Variants in GET1 observed in about 807,000 individuals in gnomAD.
GET1 encodes the protein congenital heart disease 5 protein.
In GET1, 20 loss-of-function variants were observed where a neutral mutation model predicts 22.6. The ratio of observed to expected loss-of-function variants is 0.89; its 90% CI spans 0.62 to 1.29. The LOEUF is 1.29. GET1 is among the 50% of genes most tolerant of loss of function. GET1 has a pLI of 0.00. For synonymous variants in GET1, 92 were observed against 83.8 expected (o/e 1.10, Z -0.53); for missense variants, 209 against 219.9 (o/e 0.95, Z 0.31).
At chr21:39,420,557 G>A in intron 1 of GET1, 1 of 397,742 alleles carries the variant, frequency 2.5e-6, no homozygotes, top group South Asian at 6.5e-5. Flanking sequence ...ACAGAACTGT[G>A]GATGGGGGCC....
downstream of GET1, chr21:39,409,936 T>G (rs763211868): frequency 2.1e-5 from 24 of 1,161,252 alleles, no homozygotes; most frequent in South Asian, 2.6e-4. This position sits in a 1 kb window ranked among gnomAD's most constrained non-coding sequence, Gnocchi z 4.2. Context: ...ATTCACAATT[T>G]TAAAGAAATC....
downstream of GET1, among the ~76,000 whole-genome samples, chr21:39,398,888 C>T (rs2038768864): frequency 6.8e-6 from 1 of 147,426 alleles, no homozygotes; most frequent in Non-Finnish European, 1.5e-5. Context: ...TACAGGCGCC[C>T]GCCATGACGC....
At chr21:39,385,286 C>T (rs763626926) in intron 1 of GET1, among the ~76,000 whole-genome samples, 6 of 152,158 alleles carry the variant, frequency 3.9e-5, no homozygotes, top group Non-Finnish European at 8.8e-5. Context: ...GTCTAGGCCG[C>T]ACTGGTCCCC....
At chr21:39,405,853 A>G in intron 4 of GET1, 1 of 1,472,240 alleles carries the variant, frequency 6.8e-7, no homozygotes, top group Non-Finnish European at 9.2e-7. Flanking sequence ...ATTATATCAA[A>G]CCAGAATGCA....
chr21:39,394,858 A>C (rs1007733975), intron 4 of GET1, among the ~76,000 whole-genome samples: 5 of 151,894 alleles, frequency 3.3e-5, no homozygotes, highest in Admixed American at 2.6e-4. Context: ...ATATCAGTAC[A>C]TTTCTTTTCT....
intron 2 of GET1, chr21:39,391,446 G>C: frequency 6.0e-6 from 2 of 332,616 alleles, no homozygotes; most frequent in South Asian, 5.1e-5. Flanking sequence ...TGTGCACACT[G>C]GGAAATAAGG....
chr21:39,393,156 G>A lies in GET1; in HGVS notation c.337-10G>A, dbSNP rs770364022. The stretch of plus-strand genomic sequence containing the variant: ...GCAGGCTGCTTTGCTCACCAGAGGT[G>A]TCTTTACAGGCTGCCCTGATGATCT... On this transcript the variant is annotated splice_polypyrimidine_tract_variant and intron_variant, in intron 3 of 4. Coordinates refer to ENST00000649170, the MANE Select transcript of GET1 (RefSeq NM_004627.6). The A allele has an allele frequency of 9.9e-6, 16 of 1,612,566 alleles. No individual in the cohort carries two copies. In the South Asian group the frequency reaches 1.2e-4, roughly 12 times the overall value.
chr21:39,394,479 A>G (rs946658329), intron 4 of GET1, among the ~76,000 whole-genome samples: 1 of 152,188 alleles, frequency 6.6e-6, no homozygotes, highest in East Asian at 1.9e-4. Flanking sequence ...GGGTAAGCCT[A>G]TTCCCACATG....
intron 1 of GET1, among the ~76,000 whole-genome samples, chr21:39,418,175 C>T (rs192529281): frequency 3.3e-5 from 5 of 152,284 alleles, no homozygotes; most frequent in African/African-American, 1.2e-4. Context: ...CACTGGGTCC[C>T]TCCCCTGACA....
intron 1 of GET1, among the ~76,000 whole-genome samples, chr21:39,383,471 G>C (rs1379569066): frequency 6.6e-6 from 1 of 150,890 alleles, no homozygotes; most frequent in Non-Finnish European, 1.5e-5. Flanking sequence ...TAGTAGAGAC[G>C]AGGTTTCACC....
intron 1 of GET1, chr21:39,387,872 A>AGGG (rs143349356): frequency 1.2e-6 from 1 of 816,632 alleles, no homozygotes; most frequent in African/African-American, 1.9e-5. Context: ...TGGAAGGGGG[A>AGGG]GGGGGGGGGA....
intron 1 of GET1, among the ~76,000 whole-genome samples, chr21:39,389,394 A>AC (rs2038148716): frequency 6.6e-6 from 1 of 151,442 alleles, no homozygotes. Flanking sequence ...AGATCCTCCC[A>AC]CCCCGGCCTC....
At chr21:39,423,449 C>T in intron 1 of GET1, 1 of 1,583,832 alleles carries the variant, frequency 6.3e-7, no homozygotes, top group Non-Finnish European at 8.5e-7. Flanking sequence ...AAGAGTGATG[C>T]ATTCCAGGTG....
chr21:39,387,747 G>C, intron 1 of GET1: 1 of 985,228 alleles, frequency 1.0e-6, no homozygotes, highest in South Asian at 4.7e-5. Flanking sequence ...ATCACTGGGC[G>C]GGTCAGAAAC....
intron 1 of GET1, among the ~76,000 whole-genome samples, chr21:39,384,729 A>G (rs2037777990): frequency 6.6e-6 from 1 of 151,828 alleles, no homozygotes; most frequent in Admixed American, 6.6e-5. Flanking sequence ...CCCACCCCCT[A>G]TCCTCCACCC....
At chr21:39,399,342 A>G (rs2038781833), downstream of GET1, among the ~76,000 whole-genome samples, 1 of 152,214 alleles carries the variant, frequency 6.6e-6, no homozygotes, top group Non-Finnish European at 1.5e-5. Flanking sequence ...AGAAAAACCT[A>G]TGACTCCATA....
At chr21:39,388,041 C>T (rs2038040130) in intron 1 of GET1, among the ~76,000 whole-genome samples, 1 of 152,166 alleles carries the variant, frequency 6.6e-6, no homozygotes, top group Non-Finnish European at 1.5e-5. Context: ...TGGAAGTTGT[C>T]AACCCAAACC....
chr21:39,395,187 G>A (rs1236672742), intron 4 of GET1, among the ~76,000 whole-genome samples: 2 of 151,960 alleles, frequency 1.3e-5, no homozygotes, highest in Non-Finnish European at 2.9e-5. Context: ...TCTTTATTAA[G>A]GAATTTTCAG....
intron 2 of GET1, chr21:39,391,566 G>T: frequency 1.1e-5 from 6 of 522,168 alleles, no homozygotes; most frequent in African/African-American, 2.0e-5. Flanking sequence ...ATCTCAATCT[G>T]AGTCGGATAC....
Sources: allele counts gnomAD v4.1 joint callset (sites outside exome capture counted in the v4.1 genomes callset), GRCh38; gene constraint gnomAD v4.1.1; non-coding constraint Gnocchi (gnomAD v3.1); transcripts MANE v1.5; gene names NCBI Gene and HGNC (gene_info 2026-07-23, HGNC 2026-07-21).